Variants in RAD51B observed in about 807,000 individuals in gnomAD.
RAD51B encodes DNA repair protein RAD51 homolog 2.
A neutral mutation model predicts 42.2 loss-of-function variants in RAD51B; 38 were observed. The ratio of observed to expected loss-of-function variants is 0.90; its 90% CI spans 0.70 to 1.18. RAD51B has a LOEUF of 1.18. Ranked by LOEUF, RAD51B falls within the 50% of genes most tolerant of loss-of-function variation. RAD51B has a pLI of 0.00. For missense variants in RAD51B, 373 were observed against 400.7 expected, an observed-to-expected ratio of 0.93 and a Z score of 0.59; for synonymous variants, 154 against 145.2, an observed-to-expected ratio of 1.06 and a Z score of -0.43.
At chr14:68,095,971 CAAAAAA>C (rs56862052) in intron 7 of RAD51B, among the ~76,000 whole-genome samples, 1 of 62,620 alleles carries the variant, frequency 1.6e-5, no homozygotes, top group African/African-American at 5.1e-5. Flanking sequence ...GACTCCGTCT[CAAAAAA>C]AAAAAAAAAA....
At chr14:68,223,474 A>C (rs2079971497) in intron 7 of RAD51B, among the ~76,000 whole-genome samples, 1 of 152,230 alleles carries the variant, frequency 6.6e-6, no homozygotes, top group Non-Finnish European at 1.5e-5. Context: ...AGTCCTGTCC[A>C]GACCTTTAAT....
rs1595591197 is a variant in RAD51B, at chr14:68,239,403, G to C, written c.757-52481G>C. Among the ~76,000 whole-genome samples the C allele has an allele frequency of 2.0e-5, 3 of 152,120 alleles. No homozygotes were observed. In the South Asian group the frequency reaches 6.2e-4, roughly 32 times the overall value. On this transcript the variant is annotated intron_variant, in intron 7 of 10. Transcript: ENST00000471583. ...AACCCTGCTTTCTGCCTGACATGGA[G>C]GTCACAACTGCTTTCTCATCACACG...
At chr14:68,256,536 C>A (rs1378694777) in intron 7 of RAD51B, among the ~76,000 whole-genome samples, 2 of 152,134 alleles carry the variant, frequency 1.3e-5, no homozygotes, top group East Asian at 3.8e-4. Context: ...AGTGGATCCC[C>A]AGGAACAGCT....
intron 11 of RAD51B, among the ~76,000 whole-genome samples, chr14:68,655,998 A>G (rs112646531): frequency 1.9e-3 from 283 of 152,300 alleles, no homozygotes; most frequent in Non-Finnish European, 3.5e-3. Context: ...CCATTCATCC[A>G]TCCATCTGAT....
At chr14:68,115,740 A>G (rs530788898) in intron 7 of RAD51B, among the ~76,000 whole-genome samples, 1 of 152,256 alleles carries the variant, frequency 6.6e-6, no homozygotes, top group Non-Finnish European at 1.5e-5. Context: ...AGGGAACTAC[A>G]TATTCAACAC....
chr14:68,610,020 C>T (rs1186579889), intron 10 of RAD51B, among the ~76,000 whole-genome samples: 1 of 152,138 alleles, frequency 6.6e-6, no homozygotes, highest in Non-Finnish European at 1.5e-5. Flanking sequence ...CATCTTCAGC[C>T]AGTGCTTCCA....
At chr14:68,120,028 G>A (rs1483235085) in intron 7 of RAD51B, among the ~76,000 whole-genome samples, 1 of 152,120 alleles carries the variant, frequency 6.6e-6, no homozygotes, top group Non-Finnish European at 1.5e-5. Context: ...GTGTGAGCTG[G>A]TATCTCATTG....
intron 7 of RAD51B, among the ~76,000 whole-genome samples, chr14:68,245,705 C>T (rs544717467): frequency 6.6e-6 from 1 of 152,300 alleles, no homozygotes; most frequent in East Asian, 1.9e-4. Context: ...GGGCTCTAAT[C>T]CCACAATCTG....
At position 68,316,896 on chromosome 14, in the gene RAD51B, A is replaced by G. The variant is rs997634016; in HGVS notation, c.853+24916A>G. 4.6e-5 allele frequency among the ~76,000 whole-genome samples: 7 copies of G among 152,244 alleles called. No homozygotes were observed. The East Asian group carries it at 7.7e-4, about 17-fold the overall frequency. Reference sequence around the variant, plus strand: ...AGTATACAATTCAATGATTTTTAGTATAATAAATTTATAAAGTCTTGTCAT... The same window carrying G: ...AGTATACAATTCAATGATTTTTAGTGTAATAAATTTATAAAGTCTTGTCAT... On this transcript the variant is annotated intron_variant, in intron 8 of 10. Coordinates refer to ENST00000471583, the MANE Select transcript of RAD51B (RefSeq NM_133510.4).
intron 7 of RAD51B, among the ~76,000 whole-genome samples, chr14:67,914,441 T>C (rs2044086944): frequency 6.6e-6 from 1 of 152,240 alleles, no homozygotes; most frequent in African/African-American, 2.4e-5. Context: ...TAGTATTCCA[T>C]TGAGTATATG....
intron 7 of RAD51B, among the ~76,000 whole-genome samples, chr14:68,176,730 C>A (rs1018738734): frequency 6.6e-6 from 1 of 152,122 alleles, no homozygotes; most frequent in Admixed American, 6.5e-5. Context: ...AACTTTGGAT[C>A]ATGTATTCCC....
intron 7 of RAD51B, among the ~76,000 whole-genome samples, chr14:68,229,873 T>C (rs1339005485): frequency 6.6e-6 from 1 of 152,212 alleles, no homozygotes; most frequent in Non-Finnish European, 1.5e-5. Flanking sequence ...CTCTTATATC[T>C]TTGTGCCCTA....
intron 10 of RAD51B, chr14:68,469,070 T>TACAC: frequency 2.0e-6 from 1 of 507,412 alleles, no homozygotes; most frequent in Non-Finnish European, 4.0e-6. Context: ...GTGCTCAGGA[T>TACAC]ATACATCTGT....
chr14:68,457,610 T>C (rs1353965832), intron 9 of RAD51B, among the ~76,000 whole-genome samples: 3 of 151,650 alleles, frequency 2.0e-5, no homozygotes, highest in African/African-American at 4.8e-5. Flanking sequence ...AATACTTTCT[T>C]TTTTTTTGAG....
intron 7 of RAD51B, among the ~76,000 whole-genome samples, chr14:67,969,731 A>G (rs1302672872): frequency 1.3e-5 from 2 of 152,168 alleles, no homozygotes; most frequent in African/African-American, 4.8e-5. Context: ...AATAGATAAA[A>G]CTTATGCTAT....
rs1890687258 is a variant in RAD51B at position 68,590,436 on chromosome 14, TC to T, written c.1037-4046del. Among the ~76,000 whole-genome samples the T allele has an allele frequency of 4.6e-5, 7 of 152,336 alleles. No homozygotes were observed. In the South Asian group the frequency reaches 1.5e-3, roughly 32 times the overall value. On this transcript the variant is annotated intron_variant, in intron 10 of 10. Coordinates refer to the RAD51B transcript ENST00000487270. ...CCAGCTTGCCAGCATGGCAGGGTGT[TC>T]CCAGTCACCTCCCCCGCAGCGTTGG...
chr14:68,504,706 A>G (rs958909255), intron 10 of RAD51B, among the ~76,000 whole-genome samples: 3 of 86,326 alleles, frequency 3.5e-5, no homozygotes, highest in Non-Finnish European at 2.2e-5. Context: ...ATTTTCAATC[A>G]TTCATTTCCT....
chr14:68,014,269 C>T lies in RAD51B; in HGVS notation c.756+127065C>T, dbSNP rs79067416. On this transcript the variant is annotated intron_variant, in intron 7 of 10. Coordinates refer to ENST00000471583, the MANE Select transcript of RAD51B (RefSeq NM_133510.4). ...TTTGTATGAGTTATTGTTGGACATG[C>T]AAGCCCTGTTTTTTTACATTTGTTG... Among the ~76,000 whole-genome samples, 770 of 150,486 alleles carry T rather than the reference C, an allele frequency of 5.1e-3. 7 individuals are homozygous for T. The highest frequency in any genetic ancestry group is 0.018 in the African/African-American group (716 of 40,884).
intron 10 of RAD51B, among the ~76,000 whole-genome samples, chr14:68,649,655 T>TCACCCTTGGGTCAAGTGCC (rs1399271338): frequency 6.6e-6 from 1 of 152,198 alleles, no homozygotes; most frequent in African/African-American, 2.4e-5. Flanking sequence ...AATAGATGGG[T>TCACCCTTGGGTCAAGTGCC]CACCCTTGGG....
Sources: gnomAD v4.1 joint callset for allele counts (sites outside exome capture counted in the v4.1 genomes callset) on GRCh38, gnomAD v4.1.1 for gene constraint, MANE v1.5 for transcripts, NCBI Gene and HGNC (gene_info 2026-07-23, HGNC 2026-07-21) for gene names.